Variants in CTDP1 observed in about 807,000 individuals in gnomAD.
The protein encoded by CTDP1 is CTD phosphatase 1, also known as RNA polymerase II subunit A C-terminal domain phosphatase.
In CTDP1, 47 loss-of-function variants were observed where a neutral mutation model predicts 91.8. The observed-to-expected ratio is 0.51, with a 90% confidence interval of 0.41 to 0.65. The LOEUF is 0.65. Ranked by LOEUF, CTDP1 falls within the 30% of genes least tolerant of loss-of-function variation. The probability of loss-of-function intolerance (pLI) is 0.00; values close to 1 mark genes in which losing one functional copy is unlikely to be tolerated. For synonymous variants in CTDP1, 656 were observed against 598.5 expected (o/e 1.10, Z -1.40); for missense variants, 1,272 against 1,373.7 (o/e 0.93, Z 1.17).
chr18:79,691,064 A>G (rs1599200359), intron 1 of CTDP1, among the ~76,000 whole-genome samples: 2 of 151,448 alleles, frequency 1.3e-5, no homozygotes, highest in African/African-American at 4.9e-5. Flanking sequence ...CCTGCTTCCT[A>G]CTCGTCTGTC....
intron 1 of CTDP1, among the ~76,000 whole-genome samples, chr18:79,692,899 G>C (rs1478641288): frequency 6.6e-6 from 1 of 152,262 alleles, no homozygotes; most frequent in Admixed American, 6.5e-5. Flanking sequence ...GAGGGGCTGG[G>C]GCTCCCAAGT....
At chr18:79,744,991 C>T (rs1297664117) in intron 12 of CTDP1, among the ~76,000 whole-genome samples, 3 of 152,208 alleles carry the variant, frequency 2.0e-5, no homozygotes, top group Admixed American at 1.3e-4. Context: ...CATCCCAGAA[C>T]AGCCCCATGT....
At chr18:79,711,656 CCTA>C (rs1484519012) in intron 6 of CTDP1, among the ~76,000 whole-genome samples, 2 of 152,146 alleles carry the variant, frequency 1.3e-5, no homozygotes, top group Non-Finnish European at 2.9e-5. Context: ...TTGTGTTAAT[CCTA>C]CTAATAATTT....
At chr18:79,747,733 C>T (rs1368996278) in intron 12 of CTDP1, among the ~76,000 whole-genome samples, 5 of 152,196 alleles carry the variant, frequency 3.3e-5, no homozygotes, top group Admixed American at 1.3e-4. Context: ...CACGCCGGCA[C>T]GGGTTTTTTA....
Position 79,715,053 on chromosome 18 carries a change from T to C in CTDP1, c.1593T>C (p.Gly531=). 1 of 1,610,362 alleles carries C rather than the reference T, an allele frequency of 6.2e-7. No homozygotes were observed. Among genetic ancestry groups the C allele is most frequent in the Non-Finnish European group, 8.5e-7 (1 of 1,178,938 alleles). ...AHAPDKEPEL[G]GQEEGERDGL... is the part of the protein sequence containing the mutation. ...CCCCGGACAAGGAGCCTGAGCTGGGTGGGCAGGAGGAGGGCGAGCGGGATG... is the reference window on the plus strand; with the variant it reads ...CCCCGGACAAGGAGCCTGAGCTGGGCGGGCAGGAGGAGGGCGAGCGGGATG... The change falls in exon 8 of 13, where the codon GGT becomes GGC. Residue 531 remains glycine, a synonymous_variant. Transcript: ENST00000613122.
In CTDP1 at chr18:79,714,686, C is replaced by T; in HGVS notation, c.1226C>T (p.Pro409Leu). 4 of 1,610,278 alleles carry T rather than the reference C, an allele frequency of 2.5e-6. No homozygotes were observed. Among genetic ancestry groups the T allele is most frequent in the Non-Finnish European group, 3.4e-6 (4 of 1,178,782 alleles). Residue 409 changes from proline (P) to leucine (L), a missense_variant, in exon 8 of 13, where the codon CCT becomes CTT. Around this residue, in one of 3 missense-constraint regions of CTDP1, gnomAD observed 881 missense variants for 911.6 expected, o/e 0.97. Transcript: ENST00000613122. ...GKPDERDIWP[P>L]AQAPTSSQEL... is the part of the protein sequence containing the mutation. ...CCAGACGAGAGGGACATCTGGCCCCCTGCCCAGGCCCCCACCAGCAGCCAA... is the reference window on the plus strand; with the variant it reads ...CCAGACGAGAGGGACATCTGGCCCCTTGCCCAGGCCCCCACCAGCAGCCAA...
intron 12 of CTDP1, among the ~76,000 whole-genome samples, chr18:79,745,289 C>A: frequency 7.7e-6 from 1 of 130,580 alleles, no homozygotes; most frequent in Non-Finnish European, 1.7e-5. Context: ...CGTTCTGTCC[C>A]TGCGTCCCTC....
Position 79,702,360 on chromosome 18 carries a change from ATTATTTT to A in CTDP1, c.622-2389_622-2383del, listed in dbSNP as rs200251179. 6.9e-3 allele frequency among the ~76,000 whole-genome samples: 1,055 copies of A among 152,238 alleles called. 9 individuals are homozygous for A. Among genetic ancestry groups the A allele is most frequent in the African/African-American group, 0.022 (929 of 41,554 alleles). On this transcript the variant is annotated intron_variant, in intron 4 of 12. Transcript: ENST00000613122. ...GTTGTTAGCATTTTTTAATCATAAA[ATTATTTT>A]TTATTTTTTATTTTTTAATTTTTTG...
upstream of CTDP1, chr18:79,679,704 C>A (rs2085311273): frequency 3.8e-6 from 2 of 522,694 alleles, no homozygotes; most frequent in Non-Finnish European, 7.2e-6. Flanking sequence ...AGGGTTGGTC[C>A]CAGGACGGAG....
At chr18:79,730,698 T>C (rs562548885) in intron 11 of CTDP1, among the ~76,000 whole-genome samples, 1 of 152,356 alleles carries the variant, frequency 6.6e-6, no homozygotes, top group South Asian at 2.1e-4. Context: ...CTTGATTCTC[T>C]GTGAGTCCTG....
intron 1 of CTDP1, among the ~76,000 whole-genome samples, chr18:79,693,837 A>C (rs995904412): frequency 6.9e-6 from 1 of 145,822 alleles, no homozygotes; most frequent in South Asian, 2.1e-4. Flanking sequence ...GATGCTGGCT[A>C]CAGACCCGCC....
At chr18:79,715,616 C>T in intron 8 of CTDP1, 88 bp downstream of exon 8, 1 of 1,282,038 alleles carries the variant, frequency 7.8e-7, no homozygotes, top group Admixed American at 2.4e-5. Flanking sequence ...CTGTTTATCT[C>T]ACTTTCAATT....
chr18:79,709,377 A>G (rs2086034415), intron 5 of CTDP1, among the ~76,000 whole-genome samples: 1 of 152,184 alleles, frequency 6.6e-6, no homozygotes, highest in Non-Finnish European at 1.5e-5. Context: ...TCAGAAGATA[A>G]ATTTATAGAT....
chr18:79,713,243 CTTTTT>C lies in CTDP1; in HGVS notation c.1030+108_1030+112del. ...TTGACTGCTATAAATTCAAGATACA[CTTTTT>C]TTATTTGTGTTTCAGTAGAGATTAT... On this transcript the variant is annotated intron_variant, in intron 7 of 12. Transcript: ENST00000613122. This position sits in a 1 kb window ranked among gnomAD's most constrained non-coding sequence, Gnocchi z 4.7. 2 of 1,175,356 alleles carry C rather than the reference CTTTTT, an allele frequency of 1.7e-6. No individual in the cohort carries two copies. Among genetic ancestry groups the C allele is most frequent in the Admixed American group, 4.3e-5 (2 of 46,860 alleles). The allele number at this position is 1,175,356 out of a possible 1,614,324, so 72.8% of individuals were successfully genotyped here. A position where few individuals can be genotyped will look rare whatever the true frequency, so the allele number is the denominator to read the frequency against.
At chr18:79,693,841 A>G (rs998373631) in intron 1 of CTDP1, among the ~76,000 whole-genome samples, 33 of 142,054 alleles carry the variant, frequency 2.3e-4, no homozygotes, top group Admixed American at 1.0e-3. Context: ...CTGGCTACAG[A>G]CCCGCCCCTC....
At chr18:79,714,218 T>G (rs138018749) in intron 7 of CTDP1, among the ~76,000 whole-genome samples, 1 of 152,192 alleles carries the variant, frequency 6.6e-6, no homozygotes, top group Non-Finnish European at 1.5e-5. Flanking sequence ...TTAGGGTATT[T>G]TGGATTTTTT....
At chr18:79,741,187 G>T (rs573093707) in intron 12 of CTDP1, among the ~76,000 whole-genome samples, 35 of 145,104 alleles carry the variant, frequency 2.4e-4, no homozygotes, top group Admixed American at 1.9e-3. Context: ...TGAGGTCCCC[G>T]TGCGGTTGAT....
intron 12 of CTDP1, among the ~76,000 whole-genome samples, chr18:79,743,565 A>G: frequency 6.9e-6 from 1 of 144,948 alleles, no homozygotes; most frequent in African/African-American, 2.5e-5. Flanking sequence ...CAAAGTGAGG[A>G]GTCTGAGTGT....
rs116331563 is a variant in CTDP1, at chr18:79,736,177, C to T, written c.2581-178C>T. The T allele has an allele frequency of 4.2e-3, 3,178 of 758,500 alleles. 42 individuals carry two copies. Among genetic ancestry groups the T allele is most frequent in the African/African-American group, 0.022 (1,248 of 56,778 alleles). The allele number at this position is 758,500 out of a possible 1,614,324, so 47.0% of individuals were successfully genotyped here. A position where few individuals can be genotyped will look rare whatever the true frequency, so the allele number is the denominator to read the frequency against. ...TGTGGATTTCCAAGCGTCTTTTGCC[C>T]GGGGCTTTGTTAAGGATTGGTTGAG... On this transcript the variant is annotated intron_variant, in intron 11 of 12. Coordinates refer to ENST00000613122, the MANE Select transcript of CTDP1 (RefSeq NM_004715.5).
Sources: allele counts gnomAD v4.1 joint callset (sites outside exome capture counted in the v4.1 genomes callset), GRCh38; gene constraint gnomAD v4.1.1; regional missense constraint gnomAD v4.1.1; non-coding constraint Gnocchi (gnomAD v3.1); transcripts MANE v1.5; gene names NCBI Gene and HGNC (gene_info 2026-07-23, HGNC 2026-07-21).